The following FHIT variants were observed in gnomAD, a reference collection of about 807,000 sequenced individuals.
The protein encoded by FHIT is fragile histidine triad diadenosine triphosphatase, also known as bis(5'-adenosyl)-triphosphatase.
Under a neutral mutation model 17.9 loss-of-function variants are expected in FHIT, and 19 were observed. That is an observed-to-expected ratio of 1.06 (90% CI 0.74 to 1.56). The LOEUF is 1.56. Among genes scored for constraint, FHIT ranks in the 40% most tolerant of loss-of-function variants. The pLI is 0.00. For missense variants in FHIT, 248 were observed against 189.2 expected (o/e 1.31, Z -1.82); for synonymous variants, 81 against 69.7 (o/e 1.16, Z -0.81).
chr3:61,138,310 AT>A (rs1388602751), intron 2 of FHIT, among the ~76,000 whole-genome samples: 2 of 152,178 alleles, frequency 1.3e-5, no homozygotes, highest in African/African-American at 4.8e-5. Context: ...TAAAAACCTG[AT>A]CACCAGGGCC....
chr3:61,035,422 C>T (rs1310613329), intron 3 of FHIT, among the ~76,000 whole-genome samples: 1 of 152,162 alleles, frequency 6.6e-6, no homozygotes, highest in Non-Finnish European at 1.5e-5. Context: ...AAAAAAATTA[C>T]ATTACAGTTG....
chr3:60,644,597 T>A (rs2039809916), intron 4 of FHIT, among the ~76,000 whole-genome samples: 1 of 152,226 alleles, frequency 6.6e-6, no homozygotes, highest in African/African-American at 2.4e-5. Context: ...AACATTTTAC[T>A]CTCCTTGCCC....
chr3:59,951,368 G>A (rs1479012001), intron 7 of FHIT, among the ~76,000 whole-genome samples: 1 of 152,080 alleles, frequency 6.6e-6, no homozygotes, highest in African/African-American at 2.4e-5. Flanking sequence ...CAACACTCAG[G>A]GTCATCTGAG....
At chr3:59,886,772 G>A (rs1002644290) in intron 8 of FHIT, among the ~76,000 whole-genome samples, 8 of 152,080 alleles carry the variant, frequency 5.3e-5, no homozygotes, top group African/African-American at 1.7e-4. Context: ...AGGTTAGGAG[G>A]GCACAAACAT....
chr3:60,702,339 TA>T (rs1345611827), intron 4 of FHIT, among the ~76,000 whole-genome samples: 4 of 152,166 alleles, frequency 2.6e-5, no homozygotes, highest in Admixed American at 1.3e-4. Flanking sequence ...GCCATTCTGA[TA>T]AATTATATTA....
chr3:59,926,648 T>C (rs1705676909), intron 7 of FHIT, among the ~76,000 whole-genome samples: 1 of 152,208 alleles, frequency 6.6e-6, no homozygotes, highest in Non-Finnish European at 1.5e-5. Flanking sequence ...AGTGTATCAC[T>C]AACGGTGTGA....
intron 8 of FHIT, among the ~76,000 whole-genome samples, chr3:59,869,552 G>A (rs975274882): frequency 6.9e-5 from 10 of 144,948 alleles, no homozygotes; most frequent in African/African-American, 1.9e-4. Context: ...AGCGATCTCG[G>A]CATACTGTAA....
chr3:59,756,083 A>G (rs181184977), intron 8 of FHIT, among the ~76,000 whole-genome samples: 117 of 152,296 alleles, frequency 7.7e-4, no homozygotes, highest in Admixed American at 7.2e-4. Flanking sequence ...GTCAGTCATT[A>G]GCATTATTTT....
intron 3 of FHIT, among the ~76,000 whole-genome samples, chr3:60,882,451 C>T (rs951259638): frequency 2.6e-5 from 4 of 152,006 alleles, no homozygotes; most frequent in Non-Finnish European, 5.9e-5. Flanking sequence ...TGATGAACAT[C>T]GATGCAAACA....
chr3:60,738,823 C>T (rs1024890399), intron 4 of FHIT, among the ~76,000 whole-genome samples: 10 of 152,212 alleles, frequency 6.6e-5, no homozygotes, highest in Non-Finnish European at 1.3e-4. Flanking sequence ...GCAAAGGCCC[C>T]AACCTCAAGC....
chr3:59,786,522 G>A (rs780536675), intron 8 of FHIT, among the ~76,000 whole-genome samples: 2 of 152,312 alleles, frequency 1.3e-5, no homozygotes, highest in Admixed American at 6.5e-5. Flanking sequence ...TCAGACGTGC[G>A]ATGCGTGATA....
intron 4 of FHIT, among the ~76,000 whole-genome samples, chr3:60,616,062 C>T (rs2038942235): frequency 6.6e-6 from 1 of 152,170 alleles, no homozygotes; most frequent in South Asian, 2.1e-4. Context: ...TCAGTAATAT[C>T]ACTTGTCATT....
intron 3 of FHIT, among the ~76,000 whole-genome samples, chr3:60,949,123 T>C (rs1708765368): frequency 6.6e-6 from 1 of 152,124 alleles, no homozygotes; most frequent in South Asian, 2.1e-4. Flanking sequence ...AGAGGTAATG[T>C]TCTTAGCAAG....
intron 5 of FHIT, among the ~76,000 whole-genome samples, chr3:60,461,844 T>C (rs925825917): frequency 1.3e-5 from 2 of 152,138 alleles, no homozygotes; most frequent in East Asian, 3.9e-4. Context: ...CTATTTTGAA[T>C]GTGTTTGATA....
At chr3:60,234,144 C>T (rs1410075866) in intron 5 of FHIT, among the ~76,000 whole-genome samples, 1 of 152,104 alleles carries the variant, frequency 6.6e-6, no homozygotes, top group Non-Finnish European at 1.5e-5. Context: ...AGTAGGATTC[C>T]AATGATGACA....
At chr3:60,504,589 G>A (rs1050210146) in intron 5 of FHIT, among the ~76,000 whole-genome samples, 20 of 152,100 alleles carry the variant, frequency 1.3e-4, no homozygotes, top group African/African-American at 3.9e-4. Context: ...TATATTGATT[G>A]AAGGAGTCTC....
At chr3:60,063,902 GAAT>G (rs1405926781) in intron 5 of FHIT, among the ~76,000 whole-genome samples, 1 of 152,122 alleles carries the variant, frequency 6.6e-6, no homozygotes, top group Non-Finnish European at 1.5e-5. Context: ...CAGCTATTAA[GAAT>G]AATGAGGTAG....
intron 1 of FHIT, among the ~76,000 whole-genome samples, chr3:61,229,907 C>A (rs2040056731): frequency 6.6e-6 from 1 of 152,092 alleles, no homozygotes; most frequent in Non-Finnish European, 1.5e-5. Context: ...CTGGAATAAA[C>A]ATCCACTAGC....
chr3:60,321,966 A>G (rs1483285953), intron 5 of FHIT, among the ~76,000 whole-genome samples: 3 of 152,226 alleles, frequency 2.0e-5, no homozygotes, highest in Non-Finnish European at 4.4e-5. Flanking sequence ...TCTTAATAGA[A>G]TCATGTTGGG....
Sources: gnomAD v4.1 joint callset for allele counts (sites outside exome capture counted in the v4.1 genomes callset) on GRCh38, gnomAD v4.1.1 for gene constraint, MANE v1.5 for transcripts, NCBI Gene and HGNC (gene_info 2026-07-23, HGNC 2026-07-21) for gene names.